Variants in GMDS observed in about 807,000 individuals in gnomAD.
GMDS encodes the protein GDP-mannose 4,6-dehydratase.
In GMDS, 20 loss-of-function variants were observed where a neutral mutation model predicts 49.9. The observed-to-expected ratio is 0.40, with a 90% CI of 0.28 to 0.58. The LOEUF (loss-of-function observed/expected upper bound fraction) is 0.58, where lower values mean the gene tolerates loss of function less well. Among genes scored for constraint, GMDS ranks in the 20% least tolerant of loss-of-function variants. The pLI is 0.42. For missense variants in GMDS, 362 were observed against 481.4 expected, an observed-to-expected ratio of 0.75 and a Z score of 2.32; for synonymous variants, 177 against 178.6, an observed-to-expected ratio of 0.99 and a Z score of 0.07.
At chr6:2,022,590 C>T (rs1274390641) in intron 4 of GMDS, among the ~76,000 whole-genome samples, 1 of 152,130 alleles carries the variant, frequency 6.6e-6, no homozygotes, top group Non-Finnish European at 1.5e-5. Context: ...ATAAAAAGCA[C>T]CACCACATTT....
intron 9 of GMDS, among the ~76,000 whole-genome samples, chr6:1,686,680 C>G (rs548036389): frequency 6.6e-6 from 1 of 152,334 alleles, no homozygotes; most frequent in Admixed American, 6.5e-5. Flanking sequence ...ATCTTTCCCT[C>G]TGAGTAAAGC....
intron 7 of GMDS, among the ~76,000 whole-genome samples, chr6:1,847,475 G>C (rs1757461161): frequency 6.6e-6 from 1 of 152,258 alleles, no homozygotes; most frequent in Middle Eastern, 3.4e-3. Flanking sequence ...GTCTGTCTTG[G>C]AGCGGTTTTA....
At position 1,847,021 on chromosome 6, in the gene GMDS, A is replaced by G. The variant is rs1373281506; in HGVS notation, c.771+83082T>C. On this transcript the variant is annotated intron_variant, in intron 7 of 10. Transcript: ENST00000380815. The stretch of plus-strand genomic sequence containing the variant: ...TCAGATGTATTGAAATAGAATTATG[A>G]TGTACCTTTTACTGGGGAGAGGGTA... Among the ~76,000 whole-genome samples, 5 of 152,274 alleles carry G rather than the reference A, an allele frequency of 3.3e-5. No homozygotes were observed. The East Asian group carries it at 5.8e-4, about 18-fold the overall frequency.
At chr6:2,147,968 G>A (rs948881537) in intron 1 of GMDS, among the ~76,000 whole-genome samples, 1 of 151,584 alleles carries the variant, frequency 6.6e-6, no homozygotes. Context: ...TTTGAAATAC[G>A]TTAGGAGTAG....
chr6:1,843,722 C>T (rs1042199326), intron 7 of GMDS, among the ~76,000 whole-genome samples: 2 of 152,180 alleles, frequency 1.3e-5, no homozygotes, highest in African/African-American at 2.4e-5. Context: ...GAGCAGAGAT[C>T]GTGCCACTGC....
At chr6:1,685,596 G>T (rs1561727512) in intron 9 of GMDS, among the ~76,000 whole-genome samples, 1 of 152,146 alleles carries the variant, frequency 6.6e-6, no homozygotes, top group Non-Finnish European at 1.5e-5. Context: ...AGCGTTTGCA[G>T]ATTTATGCCC....
chr6:1,750,548 G>A (rs575802780), intron 7 of GMDS, among the ~76,000 whole-genome samples: 11 of 152,248 alleles, frequency 7.2e-5, no homozygotes, highest in Admixed American at 3.3e-4. Flanking sequence ...TGTGGATTCC[G>A]GCCCAGATAC....
chr6:2,034,946 G>A (rs1769201623), intron 4 of GMDS, among the ~76,000 whole-genome samples: 1 of 152,104 alleles, frequency 6.6e-6, no homozygotes, highest in Admixed American at 6.5e-5. Context: ...CCCAGCCTGA[G>A]GATGGTTGGG....
chr6:1,743,510 T>G (rs1454172132), intron 7 of GMDS, among the ~76,000 whole-genome samples: 1 of 125,288 alleles, frequency 8.0e-6, no homozygotes, highest in Non-Finnish European at 1.6e-5. Context: ...GCCACTGCAC[T>G]CCAGCCTGGA....
At chr6:1,827,559 T>C (rs111697430) in intron 7 of GMDS, among the ~76,000 whole-genome samples, 5 of 152,334 alleles carry the variant, frequency 3.3e-5, no homozygotes, top group Non-Finnish European at 5.9e-5. Flanking sequence ...ACATAAGCTT[T>C]AGTAAAAGAT....
intron 4 of GMDS, among the ~76,000 whole-genome samples, chr6:2,100,358 A>T (rs1486266172): frequency 6.6e-6 from 1 of 152,074 alleles, no homozygotes; most frequent in East Asian, 1.9e-4. Flanking sequence ...ACAAATTCCT[A>T]TGAGATAAAT....
chr6:1,730,432 G>T (rs4959600), intron 8 of GMDS, among the ~76,000 whole-genome samples: 126,224 of 152,110 alleles, frequency 0.83, 52,901 homozygotes, highest in East Asian at 1. Context: ...ATTTACACTT[G>T]CAGAAGTTCC....
intron 7 of GMDS, among the ~76,000 whole-genome samples, chr6:1,762,735 C>T (rs189515911): frequency 1.4e-3 from 209 of 152,306 alleles, no homozygotes; most frequent in African/African-American, 4.9e-3. Context: ...TGAAGCCCGA[C>T]ACATTCGCGT....
At chr6:2,215,112 T>C (rs755850160) in intron 1 of GMDS, among the ~76,000 whole-genome samples, 2 of 152,200 alleles carry the variant, frequency 1.3e-5, no homozygotes, top group East Asian at 1.9e-4. Flanking sequence ...AAAGAACACT[T>C]TGGGAATATA....
At chr6:2,178,689 A>G (rs1242806294) in intron 1 of GMDS, among the ~76,000 whole-genome samples, 1 of 152,232 alleles carries the variant, frequency 6.6e-6, no homozygotes, top group Non-Finnish European at 1.5e-5. Flanking sequence ...GTACCTTTGT[A>G]ACACACCTGT....
chr6:2,151,723 A>G (rs945625941), intron 1 of GMDS, among the ~76,000 whole-genome samples: 1 of 152,110 alleles, frequency 6.6e-6, no homozygotes, highest in South Asian at 2.1e-4. Context: ...TGGGTTTTCT[A>G]TATTTCAATC....
intron 7 of GMDS, among the ~76,000 whole-genome samples, chr6:1,743,394 T>G (rs367921824): frequency 6.1e-4 from 31 of 51,094 alleles, no homozygotes; most frequent in Middle Eastern, 0.014. Flanking sequence ...ACAAAAAAAA[T>G]TAGCCGGGCG....
chr6:1,897,285 A>T (rs1315050374), intron 7 of GMDS, among the ~76,000 whole-genome samples: 2 of 152,144 alleles, frequency 1.3e-5, no homozygotes, highest in African/African-American at 4.8e-5. Flanking sequence ...CACCAGTCCT[A>T]TTGGATAGGT....
chr6:1,782,508 A>C (rs955560147), intron 7 of GMDS, among the ~76,000 whole-genome samples: 11 of 152,212 alleles, frequency 7.2e-5, no homozygotes, highest in African/African-American at 2.7e-4. Flanking sequence ...ACTAATAAAA[A>C]CCTGAATTTA....
Sources: allele counts gnomAD v4.1 joint callset (sites outside exome capture counted in the v4.1 genomes callset), GRCh38; gene constraint gnomAD v4.1.1; transcripts MANE v1.5; gene names NCBI Gene and HGNC (gene_info 2026-07-23, HGNC 2026-07-21).